The following PTPRD variants were observed in gnomAD, a reference collection of about 807,000 sequenced individuals.
PTPRD encodes the protein receptor-type tyrosine-protein phosphatase delta.
In PTPRD, 34 loss-of-function variants were observed where a neutral mutation model predicts 214.5. That is an observed-to-expected ratio of 0.16 (90% confidence interval 0.12 to 0.21). The LOEUF (loss-of-function observed/expected upper bound fraction) is 0.21, where lower values mean the gene tolerates loss of function less well. Among genes scored for constraint, PTPRD ranks in the 10% least tolerant of loss-of-function variants. The pLI is 1.00. For missense variants in PTPRD, 2,545 were observed against 2,398.7 expected (o/e 1.06, Z -1.27); for synonymous variants, 1,128 against 845.7 (o/e 1.33, Z -5.79).
chr9:10,578,425 C>G (rs2070364434), intron 2 of PTPRD, among the ~76,000 whole-genome samples: 1 of 152,036 alleles, frequency 6.6e-6, no homozygotes, highest in Non-Finnish European at 1.5e-5. Flanking sequence ...GGGGTTCTTA[C>G]AAATTTTTCA....
At position 9,374,656 on chromosome 9, in the gene PTPRD, C is replaced by T. The variant is rs181455915; in HGVS notation, c.-203+22793G>A. ...TTCTCCCAGGTTAAAACCCTCAATA[C>T]GTTGTAACAAATGGACAAACTCTGA... On this transcript the variant is annotated intron_variant, in intron 9 of 45. Transcript: ENST00000381196. Among the ~76,000 whole-genome samples the T allele has an allele frequency of 2.8e-3, 429 of 152,232 alleles. 3 individuals carry two copies. Among genetic ancestry groups the T allele is most frequent in the African/African-American group, 9.6e-3 (398 of 41,570 alleles).
intron 3 of PTPRD, among the ~76,000 whole-genome samples, chr9:10,231,989 A>AGAGAGAGAGAGTGTGTGTGTGTGT (rs1245284728): frequency 1.0e-3 from 95 of 92,464 alleles, no homozygotes; most frequent in African/African-American, 4.8e-3. Context: ...AGAGAGAGAG[A>AGAGAGAGAGAGTGTGTGTGTGTGT]GTGTGTGTGT....
chr9:9,928,484 G>T (rs2085133000), intron 5 of PTPRD, among the ~76,000 whole-genome samples: 1 of 151,948 alleles, frequency 6.6e-6, no homozygotes, highest in Non-Finnish European at 1.5e-5. Context: ...CTTAAAAGGA[G>T]GGAATTTTCT....
At chr9:9,749,474 T>G (rs932816403) in intron 6 of PTPRD, among the ~76,000 whole-genome samples, 1 of 152,166 alleles carries the variant, frequency 6.6e-6, no homozygotes, top group African/African-American at 2.4e-5. Flanking sequence ...ATTGATCCCC[T>G]AAACCCTAAG....
intron 5 of PTPRD, among the ~76,000 whole-genome samples, chr9:9,921,502 A>G (rs1215981216): frequency 6.6e-6 from 1 of 151,918 alleles, no homozygotes; most frequent in Non-Finnish European, 1.5e-5. Flanking sequence ...TTTTTTTAAT[A>G]TATAGATTAA....
intron 7 of PTPRD, among the ~76,000 whole-genome samples, chr9:9,589,035 T>G (rs1357277524): frequency 3.3e-5 from 5 of 151,956 alleles, no homozygotes; most frequent in Admixed American, 1.3e-4. Context: ...TACAAGCAAG[T>G]TGACCACTTC....
chr9:9,679,044 G>A (rs149517996), intron 7 of PTPRD, among the ~76,000 whole-genome samples: 41 of 149,994 alleles, frequency 2.7e-4, no homozygotes, highest in African/African-American at 1.0e-3. Flanking sequence ...TATAGAAATT[G>A]TCTTTAAAGC....
At position 8,780,142 on chromosome 9, in the gene PTPRD, A is replaced by C. The variant is rs548816074; in HGVS notation, c.-103-46196T>G. 2.0e-5 allele frequency among the ~76,000 whole-genome samples: 3 copies of C among 151,632 alleles called. No individual in the cohort carries two copies. The East Asian group carries it at 5.9e-4, about 30-fold the overall frequency. On this transcript the variant is annotated intron_variant, in intron 11 of 45. Transcript: ENST00000381196. Reference sequence around the variant, plus strand: ...AGCATTTTCCAAACAAAAGGAAATAAAACGACTCTAAATTCACCAGATCAT... The same window carrying C: ...AGCATTTTCCAAACAAAAGGAAATACAACGACTCTAAATTCACCAGATCAT...
chr9:9,640,581 T>C (rs1168823891), intron 7 of PTPRD, among the ~76,000 whole-genome samples: 2 of 152,212 alleles, frequency 1.3e-5, no homozygotes, highest in Non-Finnish European at 2.9e-5. Context: ...CTTTTAAATA[T>C]ATGTTCACAT....
intron 6 of PTPRD, among the ~76,000 whole-genome samples, chr9:9,762,140 G>A (rs2098663330): frequency 6.6e-6 from 1 of 152,200 alleles, no homozygotes; most frequent in South Asian, 2.1e-4. Flanking sequence ...TCTGAACAGA[G>A]GTTGTCTGAC....
chr9:9,760,107 C>G (rs1038332002), intron 6 of PTPRD, among the ~76,000 whole-genome samples: 2 of 152,076 alleles, frequency 1.3e-5, no homozygotes, highest in Non-Finnish European at 2.9e-5. Context: ...AGAAGGATCT[C>G]GTTACAAAGT....
chr9:9,743,168 T>C (rs367888628), intron 6 of PTPRD, among the ~76,000 whole-genome samples: 1 of 152,166 alleles, frequency 6.6e-6, no homozygotes, highest in Non-Finnish European at 1.5e-5. Context: ...TTATAAAATA[T>C]GTATGAATGA....
At chr9:9,139,785 C>T (rs922195643) in intron 10 of PTPRD, among the ~76,000 whole-genome samples, 1 of 152,152 alleles carries the variant, frequency 6.6e-6, no homozygotes, top group Admixed American at 6.5e-5. Flanking sequence ...GAAAGTGCAA[C>T]CACGGCTGAG....
intron 3 of PTPRD, among the ~76,000 whole-genome samples, chr9:10,308,449 G>A (rs926607498): frequency 6.6e-6 from 1 of 152,036 alleles, no homozygotes; most frequent in South Asian, 2.1e-4. Flanking sequence ...ACACCATGCT[G>A]TCTTGTTTAC....
chr9:9,615,809 T>C (rs1016775588), intron 7 of PTPRD, among the ~76,000 whole-genome samples: 2 of 152,164 alleles, frequency 1.3e-5, no homozygotes, highest in African/African-American at 2.4e-5. Context: ...ATTTTACAGA[T>C]GAAGTAACTA....
chr9:9,159,065 T>C lies in PTPRD; in HGVS notation c.-143+24239A>G, dbSNP rs182610138. Among the ~76,000 whole-genome samples, 449 of 152,270 alleles carry C rather than the reference T, an allele frequency of 2.9e-3. 2 individuals carry two copies. The highest frequency in any genetic ancestry group is 0.01 in the African/African-American group (432 of 41,560). On this transcript the variant is annotated intron_variant, in intron 10 of 45. Coordinates refer to ENST00000381196, the MANE Select transcript of PTPRD (RefSeq NM_002839.4). ...ATAGAAGGAATGTATCTCAACACAA[T>C]AAAGGCTATGCATGATAAATCTATA...
intron 2 of PTPRD, among the ~76,000 whole-genome samples, chr9:10,585,120 T>C (rs1043348474): frequency 3.3e-5 from 5 of 152,260 alleles, no homozygotes; most frequent in African/African-American, 1.2e-4. Flanking sequence ...TATTTAGTAA[T>C]ATTAAATATA....
chr9:10,034,667 C>T (rs996479126), intron 3 of PTPRD, among the ~76,000 whole-genome samples: 1 of 152,074 alleles, frequency 6.6e-6, no homozygotes, highest in Admixed American at 6.6e-5. Flanking sequence ...TAAGTGAGAA[C>T]ATGCAGTATT....
chr9:8,899,646 C>T (rs2098649969), intron 11 of PTPRD, among the ~76,000 whole-genome samples: 1 of 152,238 alleles, frequency 6.6e-6, no homozygotes, highest in African/African-American at 2.4e-5. Context: ...TTAAAGGAAA[C>T]AGCCTGTGTT....
Sources: gnomAD v4.1 joint callset for allele counts (sites outside exome capture counted in the v4.1 genomes callset) on GRCh38, gnomAD v4.1.1 for gene constraint, MANE v1.5 for transcripts, NCBI Gene and HGNC (gene_info 2026-07-23, HGNC 2026-07-21) for gene names.